TSBP1: variants seen among roughly 807,000 people sequenced by gnomAD.
The protein encoded by TSBP1 is testis-expressed basic protein 1.
Under a neutral mutation model 68.8 loss-of-function variants are expected in TSBP1, and 56 were observed. The ratio of observed to expected loss-of-function variants is 0.81; its 90% CI spans 0.66 to 1.02. The LOEUF (loss-of-function observed/expected upper bound fraction) is 1.02, where lower values mean the gene tolerates loss of function less well. TSBP1 is among the 50% of genes least tolerant of loss of function. TSBP1 has a pLI of 0.00. For synonymous variants in TSBP1, 171 were observed against 208.7 expected, an observed-to-expected ratio of 0.82 and a Z score of 1.56; for missense variants, 502 against 641.2, an observed-to-expected ratio of 0.78 and a Z score of 2.34.
At position 32,295,334 on chromosome 6, in the gene TSBP1, T is replaced by TCACACACA. The variant is rs201473295; in HGVS notation, c.638-1307_638-1300dup. Among the ~76,000 whole-genome samples the TCACACACA allele has an allele frequency of 7.3e-4, 71 of 97,472 alleles. 1 individual carries two copies. Among genetic ancestry groups the TCACACACA allele is most frequent in the Middle Eastern group, 5.9e-3 (1 of 170 alleles). 63.9% of individuals were successfully genotyped at this position (97,472 alleles called of 152,430 possible). On this transcript the variant is annotated intron_variant, in intron 22 of 22. Coordinates refer to ENST00000612031, the Ensembl canonical transcript of TSBP1. ...CTAGGTGACAGAGTGATACTCCATC[T>TCACACACA]CACACACACACACACAAAAAAAAAA...
At chr6:32,362,304 A>AAAAAAT in intron 6 of TSBP1, among the ~76,000 whole-genome samples, 1 of 151,162 alleles carries the variant, frequency 6.6e-6, no homozygotes. Context: ...AAAAAAAAAA[A>AAAAAAT]AGAAGAGGAA....
intron 1 of TSBP1, among the ~76,000 whole-genome samples, chr6:32,370,413 A>G (rs28986324): frequency 0.16 from 3,764 of 23,852 alleles, 115 homozygotes; most frequent in African/African-American, 0.26. Flanking sequence ...TTCTGTATAT[A>G]TATATATATA....
At chr6:32,352,303 G>C (rs1771808373) in intron 8 of TSBP1, among the ~76,000 whole-genome samples, 1 of 151,812 alleles carries the variant, frequency 6.6e-6, no homozygotes, top group South Asian at 2.1e-4. Flanking sequence ...TAGTTTGGAG[G>C]GAAGATGGTC....
In TSBP1 at chr6:32,322,204, G is replaced by T. The variant is rs137891295; in HGVS notation, c.559+913C>A. On this transcript the variant is annotated intron_variant, in intron 18 of 22. Coordinates refer to ENST00000612031, the Ensembl canonical transcript of TSBP1. ...AAAGGTAGGACATAGTGTGAAAGGC[G>T]GTTTCACGAATTCTATATTAAATAT... Among the ~76,000 whole-genome samples the T allele has an allele frequency of 6.7e-3, 1,019 of 152,254 alleles. 18 individuals carry two copies. The highest frequency in any genetic ancestry group is 0.02 in the East Asian group (103 of 5,186).
intron 6 of TSBP1, among the ~76,000 whole-genome samples, chr6:32,364,415 GT>G (rs9279602): frequency 0.2 from 27,076 of 135,590 alleles, 2,433 homozygotes; most frequent in African/African-American, 0.29. Flanking sequence ...TTTCTTTGTG[GT>G]TTTTTTTTTT....
chr6:32,299,825 A>C, intron 22 of TSBP1, 97 bp downstream of exon 25: 1 of 967,192 alleles, frequency 1.0e-6, no homozygotes, highest in African/African-American at 1.6e-5. Flanking sequence ...TTGGCCTTAG[A>C]AGCACAGGCC....
At position 32,327,814 on chromosome 6, in the gene TSBP1, C is replaced by T. The variant is rs181214491; in HGVS notation, c.514+2775G>A. ...TTTTTGTAGGTTTTTTTTTTTGAGA[C>T]GGAGTCTTGCTCTGTCACCCAGGCT... On this transcript the variant is annotated intron_variant, in intron 16 of 22. Coordinates refer to ENST00000612031, the Ensembl canonical transcript of TSBP1. 6.5e-3 allele frequency among the ~76,000 whole-genome samples: 964 copies of T among 148,554 alleles called. 15 individuals carry two copies. The highest frequency in any genetic ancestry group is 0.02 in the East Asian group (99 of 5,034).
At chr6:32,319,819 G>C (rs1296872713) in intron 18 of TSBP1, among the ~76,000 whole-genome samples, 3 of 151,744 alleles carry the variant, frequency 2.0e-5, no homozygotes, top group Non-Finnish European at 4.4e-5. Flanking sequence ...ACTTTGTCTT[G>C]CTCATGGCTA....
Position 32,338,923 on chromosome 6 carries a change from C to T in TSBP1, c.409+56G>A. The T allele has an allele frequency of 7.3e-7, 1 of 1,376,258 alleles. No homozygotes were observed. Among genetic ancestry groups the T allele is most frequent in the Non-Finnish European group, 1.0e-6 (1 of 964,262 alleles). 85.3% of individuals were successfully genotyped at this position (1,376,258 alleles called of 1,614,324 possible). On this transcript the variant is annotated intron_variant, in intron 11 of 22. Transcript: ENST00000612031. This position sits in a 1 kb window ranked among gnomAD's most constrained non-coding sequence, Gnocchi z 5.5. ...TAGGAATATGAGTGTCTTACATATTCTAACAGTTTAGTAAAGCAAAGCACA... is the reference window on the plus strand; with the variant it reads ...TAGGAATATGAGTGTCTTACATATTTTAACAGTTTAGTAAAGCAAAGCACA...
At position 32,357,065 on chromosome 6, in the gene TSBP1, CTA is replaced by C. The variant is rs1356715729; in HGVS notation, c.218-1398_218-1397del. On this transcript the variant is annotated intron_variant, in intron 6 of 22. Transcript: ENST00000612031. This position sits in a 1 kb window ranked among gnomAD's most constrained non-coding sequence, Gnocchi z 4.7. Reference sequence around the variant, plus strand: ...CAAGTTGACCAGTACATTTATATTCCTATGTCTAGAAATAATGGAGGGAAGAC... The same window carrying C: ...CAAGTTGACCAGTACATTTATATTCCTGTCTAGAAATAATGGAGGGAAGAC... 6.6e-6 allele frequency among the ~76,000 whole-genome samples: 1 copy of C among 152,060 alleles called. No homozygotes were observed. Among genetic ancestry groups the C allele is most frequent in the Non-Finnish European group, 1.5e-5 (1 of 68,004 alleles).
rs763188201 is a variant in TSBP1 at position 32,293,906 on chromosome 6, T to A, written c.767A>T (p.Asp256Val). The A allele has an allele frequency of 1.8e-5, 29 of 1,612,908 alleles. No homozygotes were observed. In the South Asian group the frequency reaches 3.2e-4, roughly 18 times the overall value. ...TTCTACAGAATTCGTAAATATGATG[T>A]CATTCTTTAGTGCTTCCTTGTTTTC... The change falls in exon 23 of 23, where the codon GAC (aspartate) becomes GTC (valine). Residue 256 changes from aspartate (D) to valine (V), a missense_variant. Transcript: ENST00000612031.
At position 32,316,263 on chromosome 6, in the gene TSBP1, A is replaced by T. The variant is rs995058854; in HGVS notation, c.560-471T>A. On this transcript the variant is annotated intron_variant, in intron 18 of 22. Coordinates refer to ENST00000612031, the Ensembl canonical transcript of TSBP1. The surrounding 1 kb of genome is among the most constrained non-coding windows in gnomAD (Gnocchi z 4.5). ...CCTCTTTTAATTAGTGTTTAAAAAG[A>T]TTCTCTGTAATATAGACCATGTAGG... 1 of 649,512 alleles carries T rather than the reference A, an allele frequency of 1.5e-6. No homozygotes were observed. The highest frequency in any genetic ancestry group is 2.6e-5 in the South Asian group (1 of 38,464). The allele number at this position is 649,512 out of a possible 1,614,324, so 40.2% of individuals were successfully genotyped here.
At chr6:32,352,641 C>G (rs1225275879) in intron 8 of TSBP1, among the ~76,000 whole-genome samples, 1 of 151,618 alleles carries the variant, frequency 6.6e-6, no homozygotes, top group Non-Finnish European at 1.5e-5. Flanking sequence ...TTAATATGAA[C>G]AAAGTCAAGC....
At position 32,300,711 on chromosome 6, in the gene TSBP1, T is replaced by G. The variant is rs11962040; in HGVS notation, c.602-11A>C. On this transcript the variant is annotated splice_polypyrimidine_tract_variant and intron_variant, in intron 20 of 22. Coordinates refer to ENST00000612031, the Ensembl canonical transcript of TSBP1. Reference sequence around the variant, plus strand: ...TTCCAGAACTGTCCACTGAAAGAGATAAAGGCAAACACATCAGTAGGTACT... The same window carrying G: ...TTCCAGAACTGTCCACTGAAAGAGAGAAAGGCAAACACATCAGTAGGTACT... The G allele has an allele frequency of 6.2e-7, 1 of 1,611,934 alleles. No homozygotes were observed. Among genetic ancestry groups the G allele is most frequent in the East Asian group, 2.2e-5 (1 of 44,870 alleles).
chr6:32,324,615 C>CAAAT (rs57257463), intron 16 of TSBP1: 42 of 1,549,230 alleles, frequency 2.7e-5, no homozygotes, highest in Non-Finnish European at 3.5e-6. Flanking sequence ...CACTAGAGAC[C>CAAAT]GAGTCCTAAA....
At chr6:32,324,015 C>G (rs150772651) in intron 16 of TSBP1, among the ~76,000 whole-genome samples, 2,156 of 152,184 alleles carry the variant, frequency 0.014, 22 homozygotes, top group Middle Eastern at 0.017. Context: ...TTTGTTAAGT[C>G]CCTTGTAATA....
chr6:32,311,593 TCTC>T (rs1766407635), intron 19 of TSBP1, among the ~76,000 whole-genome samples: 1 of 152,070 alleles, frequency 6.6e-6, no homozygotes, highest in South Asian at 2.1e-4. Context: ...CCAAATTAGC[TCTC>T]CTATCTCAAG....
At chr6:32,353,492 T>C (rs1242443839) in intron 8 of TSBP1, among the ~76,000 whole-genome samples, 2 of 151,968 alleles carry the variant, frequency 1.3e-5, no homozygotes, top group African/African-American at 2.4e-5. Flanking sequence ...TAATTGATTT[T>C]ACCAATTAAT....
At chr6:32,360,644 G>A (rs28895022) in intron 6 of TSBP1, among the ~76,000 whole-genome samples, 5,816 of 152,184 alleles carry the variant, frequency 0.038, 139 homozygotes, top group South Asian at 0.057. Context: ...CATAATGGCT[G>A]TATTACTTTA....
Sources: allele counts gnomAD v4.1 joint callset (sites outside exome capture counted in the v4.1 genomes callset), GRCh38; gene constraint gnomAD v4.1.1; non-coding constraint Gnocchi (gnomAD v3.1); transcripts MANE v1.5; gene names NCBI Gene and HGNC (gene_info 2026-07-23, HGNC 2026-07-21).